The following SAMD5 variants were observed in gnomAD, a reference collection of about 807,000 sequenced individuals.
SAMD5 encodes the protein sterile alpha motif domain-containing protein 5.
Under a neutral mutation model 11.3 loss-of-function variants are expected in SAMD5, and 13 were observed. That is an observed-to-expected ratio of 1.15 (90% confidence interval 0.75 to 1.83). SAMD5 has a LOEUF of 1.83. Among genes scored for constraint, SAMD5 ranks in the 40% most tolerant of loss-of-function variants. The probability of loss-of-function intolerance (pLI) is 0.00; values close to 1 mark genes in which losing one functional copy is unlikely to be tolerated. For missense variants in SAMD5, 255 were observed against 239.1 expected, an observed-to-expected ratio of 1.07 and a Z score of -0.44; for synonymous variants, 129 against 111.3, an observed-to-expected ratio of 1.16 and a Z score of -1.00.
chr6:147,851,087 C>T, the SAMD5 span, among the ~76,000 whole-genome samples: 2 of 151,664 alleles, frequency 1.3e-5, no homozygotes, highest in Non-Finnish European at 2.9e-5. Flanking sequence ...GCTGGGATTA[C>T]AGGCGCCCAT....
chr6:147,677,166 A>G (rs1477516572), intron 1 of SAMD5, among the ~76,000 whole-genome samples: 1 of 152,150 alleles, frequency 6.6e-6, no homozygotes, highest in Non-Finnish European at 1.5e-5. Flanking sequence ...TGTCATCAGC[A>G]AGGATGTCTC....
intron 1 of SAMD5, among the ~76,000 whole-genome samples, chr6:147,589,219 A>G (rs1213469590): frequency 2.6e-5 from 4 of 152,120 alleles, no homozygotes; most frequent in African/African-American, 9.7e-5. Flanking sequence ...TTGGCCTCCC[A>G]AAGTGCTGGG....
chr6:147,932,309 T>G, the SAMD5 span, among the ~76,000 whole-genome samples: 2 of 151,992 alleles, frequency 1.3e-5, no homozygotes, highest in Admixed American at 1.3e-4. Context: ...AGCCAGGGGG[T>G]TCCAGCTGAT....
intron 1 of SAMD5, among the ~76,000 whole-genome samples, chr6:147,545,367 TTGAGTTAGAGAGTTCAG>T (rs1788669301): frequency 6.6e-6 from 1 of 152,220 alleles, no homozygotes; most frequent in Admixed American, 6.5e-5. Context: ...AATGAGTTGA[TTGAGTTAGAGAGTTCAG>T]TGAATTTACT....
chr6:147,571,202 C>T (rs844588), downstream of SAMD5, among the ~76,000 whole-genome samples: 13,967 of 152,126 alleles, frequency 0.092, 1,121 homozygotes, highest in African/African-American at 0.22. Context: ...GAAAAGTTCA[C>T]GATACTGGTG....
chr6:147,902,262 G>A, the SAMD5 span, among the ~76,000 whole-genome samples: 2 of 152,034 alleles, frequency 1.3e-5, no homozygotes, highest in African/African-American at 4.8e-5. Context: ...AAAATGCTAT[G>A]TATCAAAGCC....
the SAMD5 span, among the ~76,000 whole-genome samples, chr6:147,919,888 C>A: frequency 1.3e-5 from 2 of 152,298 alleles, no homozygotes; most frequent in South Asian, 4.1e-4. Context: ...AGTTAGTGAA[C>A]GTCATAAAGA....
At chr6:147,834,618 G>A in the SAMD5 span, among the ~76,000 whole-genome samples, 2 of 152,176 alleles carry the variant, frequency 1.3e-5, no homozygotes, top group African/African-American at 4.8e-5. Flanking sequence ...TATAGGCATT[G>A]CATCATCTGT....
chr6:147,610,535 C>T (rs941145207), intron 1 of SAMD5, among the ~76,000 whole-genome samples: 2 of 152,196 alleles, frequency 1.3e-5, no homozygotes, highest in East Asian at 1.9e-4. Flanking sequence ...TTTATCATTA[C>T]CAGTAGTTTC....
the SAMD5 span, among the ~76,000 whole-genome samples, chr6:147,898,190 A>G: frequency 2.6e-5 from 4 of 152,080 alleles, no homozygotes; most frequent in African/African-American, 9.7e-5. Flanking sequence ...TAGCTTACCG[A>G]TTTATAAATT....
downstream of SAMD5, among the ~76,000 whole-genome samples, chr6:147,574,717 T>C (rs1789192606): frequency 6.6e-6 from 1 of 152,172 alleles, no homozygotes; most frequent in African/African-American, 2.4e-5. Flanking sequence ...GGCTGTGTCA[T>C]CACATAGCAG....
At chr6:147,582,620 A>T (rs1459842702) in intron 1 of SAMD5, among the ~76,000 whole-genome samples, 1 of 152,218 alleles carries the variant, frequency 6.6e-6, no homozygotes, top group Non-Finnish European at 1.5e-5. Context: ...AGCAGCGGTC[A>T]GTTTTGAAGC....
chr6:147,821,452 A>G, the SAMD5 span, among the ~76,000 whole-genome samples: 2 of 152,228 alleles, frequency 1.3e-5, no homozygotes, highest in Admixed American at 1.3e-4. Flanking sequence ...GGCTACGACC[A>G]GCAACCTGAC....
the SAMD5 span, among the ~76,000 whole-genome samples, chr6:147,789,099 AC>A: frequency 0.019 from 1,883 of 99,626 alleles, 37 homozygotes; most frequent in African/African-American, 0.071. Flanking sequence ...AAACAAACAA[AC>A]AAAAAAAAAA....
chr6:147,763,053 A>G, the SAMD5 span, among the ~76,000 whole-genome samples: 1 of 152,138 alleles, frequency 6.6e-6, no homozygotes, highest in Non-Finnish European at 1.5e-5. Context: ...ACACATACCA[A>G]TGCCCCATTC....
chr6:147,937,481 G>C, the SAMD5 span, among the ~76,000 whole-genome samples: 2 of 152,316 alleles, frequency 1.3e-5, 1 homozygote, highest in South Asian at 4.1e-4. Flanking sequence ...AATCCTCCTA[G>C]GCTGAGGATG....
chr6:147,776,611 T>A, the SAMD5 span, among the ~76,000 whole-genome samples: 1 of 152,232 alleles, frequency 6.6e-6, no homozygotes, highest in East Asian at 1.9e-4. Context: ...AGAAAGGCCA[T>A]CAAGAGGTGG....
At chr6:147,511,530 T>G (rs907374037) in intron 1 of SAMD5, among the ~76,000 whole-genome samples, 1 of 152,228 alleles carries the variant, frequency 6.6e-6, no homozygotes. Context: ...TCCTATTCAC[T>G]TTCTATACAT....
At chr6:147,723,335 C>T (rs181524840) in intron 1 of SAMD5, among the ~76,000 whole-genome samples, 4 of 152,202 alleles carry the variant, frequency 2.6e-5, no homozygotes, top group East Asian at 3.9e-4. Context: ...GCATTTCCTA[C>T]ACCCCTCCAC....
Sources: allele counts gnomAD v4.1 joint callset (sites outside exome capture counted in the v4.1 genomes callset), GRCh38; gene constraint gnomAD v4.1.1; transcripts MANE v1.5; gene names NCBI Gene and HGNC (gene_info 2026-07-23, HGNC 2026-07-21).